TRPM7: variants seen among roughly 807,000 people sequenced by gnomAD.
TRPM7 encodes transient receptor potential cation channel subfamily M member 7.
TRPM7 carries 134 observed loss-of-function variants against 229.7 expected under a neutral mutation model. That is an observed-to-expected ratio of 0.58 (90% CI 0.51 to 0.67). The LOEUF is 0.67. Among genes scored for constraint, TRPM7 ranks in the 30% least tolerant of loss-of-function variants. The pLI, the probability that TRPM7 is intolerant of heterozygous loss-of-function variation, is 0.00. For synonymous variants in TRPM7, 699 were observed against 715.2 expected (o/e 0.98, Z 0.36); for missense variants, 1,901 against 2,210.0 (o/e 0.86, Z 2.80).
intron 31 of TRPM7, among the ~76,000 whole-genome samples, chr15:50,578,042 T>C (rs533720120): frequency 7.3e-4 from 111 of 152,132 alleles, no homozygotes; most frequent in African/African-American, 2.6e-3. Flanking sequence ...CACCCCAAAA[T>C]AGGTGAAACT....
intron 1 of TRPM7, among the ~76,000 whole-genome samples, chr15:50,670,895 C>T (rs780973507): frequency 2.0e-5 from 3 of 151,562 alleles, no homozygotes; most frequent in Non-Finnish European, 4.4e-5. Flanking sequence ...TTAAGTAGGC[C>T]AGGTGCAGTA....
intron 31 of TRPM7, among the ~76,000 whole-genome samples, chr15:50,577,213 T>C (rs2054176718): frequency 6.6e-6 from 1 of 151,998 alleles, no homozygotes; most frequent in African/African-American, 2.4e-5. Flanking sequence ...CTGGATTTCA[T>C]TAAACAACAA....
At chr15:50,683,877 CTT>C (rs370536416) in intron 1 of TRPM7, among the ~76,000 whole-genome samples, 1 of 148,962 alleles carries the variant, frequency 6.7e-6, no homozygotes, top group African/African-American at 2.5e-5. Flanking sequence ...CTGATCAAGT[CTT>C]TTTTTTTTGA....
At chr15:50,599,375 T>C (rs1209346676) in intron 21 of TRPM7, 79 bp from the exon 22 acceptor site, 2 of 1,031,528 alleles carry the variant, frequency 1.9e-6, no homozygotes, top group Middle Eastern at 3.2e-4. Flanking sequence ...TCTAATGTTC[T>C]AATAGACCAA....
chr15:50,638,743 T>C (rs1176973327), intron 6 of TRPM7, among the ~76,000 whole-genome samples: 1 of 152,122 alleles, frequency 6.6e-6, no homozygotes, highest in African/African-American at 2.4e-5. Flanking sequence ...TGGAATGCAG[T>C]GGCTCAATTT....
chr15:50,584,469 G>T (rs761836452), intron 28 of TRPM7, among the ~76,000 whole-genome samples: 3 of 152,128 alleles, frequency 2.0e-5, no homozygotes, highest in African/African-American at 4.8e-5. Context: ...AGTGAGAAAA[G>T]AGAGTTCAAT....
At position 50,574,875 on chromosome 15, in the gene TRPM7, T is replaced by G. The variant is rs1360996665; in HGVS notation, c.4996A>C (p.Thr1666Pro). ...ACTCTCAGACAGAGATGCAGAACTGTATCTTCTTTGTAAATACTTGACCAT... is the reference window on the plus strand; with the variant it reads ...ACTCTCAGACAGAGATGCAGAACTGGATCTTCTTTGTAAATACTTGACCAT... Reference protein sequence around the residue: ...NTWSSIYKEDTVLHLCLREIQ... With the variant: ...NTWSSIYKEDPVLHLCLREIQ... The change falls in exon 34 of 39, where the codon ACA (threonine) becomes CCA (proline). Residue 1666 changes from threonine to proline, a missense_variant. Transcript: ENST00000646667. 1.2e-6 allele frequency: 2 copies of G among 1,612,648 alleles called. No individual in the cohort carries two copies. The highest frequency in any genetic ancestry group is 1.7e-6 in the Non-Finnish European group (2 of 1,178,890).
At chr15:50,600,917 G>T (rs4775892) in intron 21 of TRPM7, among the ~76,000 whole-genome samples, 22,373 of 152,108 alleles carry the variant, frequency 0.15, 2,219 homozygotes, top group Admixed American at 0.28. Flanking sequence ...GGCCTAACAC[G>T]CTCCAAAATT....
chr15:50,612,843 T>TA lies in TRPM7; in HGVS notation c.1771-15dup. ...AACTGTATCAATCTTCCAGGGAAAA[T>TA]AAAGTTATAAAGCTCATTATAATAA... On this transcript the variant is annotated splice_polypyrimidine_tract_variant and intron_variant, in intron 15 of 38. Coordinates refer to ENST00000646667, the MANE Select transcript of TRPM7 (RefSeq NM_017672.6). The TA allele has an allele frequency of 1.9e-6, 3 of 1,599,974 alleles. No individual in the cohort carries two copies. Among genetic ancestry groups the TA allele is most frequent in the Non-Finnish European group, 2.6e-6 (3 of 1,176,164 alleles).
At chr15:50,633,481 G>A (rs2060798040) in intron 8 of TRPM7, among the ~76,000 whole-genome samples, 1 of 152,044 alleles carries the variant, frequency 6.6e-6, no homozygotes, top group African/African-American at 2.4e-5. Context: ...ACTATTTTTA[G>A]GAATCATTTA....
chr15:50,578,710 A>T (rs1331994095), intron 30 of TRPM7, 46 bp from the exon 31 acceptor site: 1 of 1,420,210 alleles, frequency 7.0e-7, no homozygotes, highest in African/African-American at 1.4e-5. Context: ...CTATGATTTA[A>T]GTTTTGGCTA....
chr15:50,612,067 T>C (rs532214527), intron 16 of TRPM7, among the ~76,000 whole-genome samples: 48 of 152,222 alleles, frequency 3.2e-4, no homozygotes, highest in Admixed American at 5.9e-4. Context: ...TTGCTACTAT[T>C]TGCAAAAATT....
rs1361061786 is a variant in TRPM7 at position 50,686,711 on chromosome 15, C to G, written c.-178G>C. The G allele has an allele frequency of 1.1e-5, 9 of 798,912 alleles. No homozygotes were observed. Among genetic ancestry groups the G allele is most frequent in the Non-Finnish European group, 1.7e-5 (9 of 531,242 alleles). 49.5% of individuals were successfully genotyped at this position (798,912 alleles called of 1,614,324 possible). On this transcript the variant is annotated 5_prime_UTR_variant, in exon 1 of 39. Coordinates refer to ENST00000646667, the MANE Select transcript of TRPM7 (RefSeq NM_017672.6). ...CCGGCGCTAGCAGCAGAAGCCGAGT[C>G]TTTCATAATTGTGCGACCAACTCCT...
rs367737549 is a variant in TRPM7, at chr15:50,574,313, C to T, written c.5269G>A (p.Glu1757Lys). 6.2e-7 allele frequency: 1 copy of T among 1,613,948 alleles called. No individual in the cohort carries two copies. The highest frequency in any genetic ancestry group is 8.5e-7 in the Non-Finnish European group (1 of 1,179,934). Residue 1757 changes from glutamate (E) to lysine (K), a missense_variant, in exon 36 of 39, where the codon GAA (glutamate) becomes AAA (lysine). Glu to Lys is a moderately conservative substitution (Grantham distance 56). Transcript: ENST00000646667. ...IMLAFSHWTY[E>K]YTRGELLVLD... The stretch of plus-strand genomic sequence containing the variant: ...ACCAGTAACTCCCCTCTTGTATATT[C>T]GTAAGTCCAGTGGCTAAAGGCTAGC...
At chr15:50,588,393 T>A (rs2059398702) in intron 27 of TRPM7, 3 of 137,204 alleles carry the variant, frequency 2.2e-5, no homozygotes, top group Non-Finnish European at 4.7e-5. Context: ...TTAATAGATA[T>A]TAAATTAAGT....
In TRPM7 at chr15:50,574,314, G is replaced by C. The variant is rs114933907; in HGVS notation, c.5268C>G (p.Tyr1756Ter). 2 of 1,613,772 alleles carry C rather than the reference G, an allele frequency of 1.2e-6. No individual in the cohort carries two copies. Among genetic ancestry groups the C allele is most frequent in the East Asian group, 2.2e-5 (1 of 44,842 alleles). ...EIMLAFSHWT[Y>*]EYTRGELLVL... The stretch of plus-strand genomic sequence containing the variant: ...CCAGTAACTCCCCTCTTGTATATTC[G>C]TAAGTCCAGTGGCTAAAGGCTAGCA... The change falls in exon 36 of 39, where the codon TAC (tyrosine) becomes TAG (stop). Residue 1756 changes from tyrosine to a stop codon, truncating the protein, a stop_gained. Coordinates refer to ENST00000646667, the MANE Select transcript of TRPM7 (RefSeq NM_017672.6). LOFTEE classifies it high-confidence loss of function.
rs76915232 is a variant in TRPM7 at position 50,563,069 on chromosome 15, A to G, written c.5468-1261T>C. Among the ~76,000 whole-genome samples, 623 of 152,302 alleles carry G rather than the reference A, an allele frequency of 4.1e-3. 5 individuals are homozygous for G. Among genetic ancestry groups the G allele is most frequent in the African/African-American group, 0.014 (594 of 41,574 alleles). ...GTGAATGAGAGGAAAACTAGTAGAA[A>G]TTGAGCTCAAGCAGCAGTTAATGGC... On this transcript the variant is annotated intron_variant, in intron 38 of 38. Transcript: ENST00000646667.
At position 50,614,177 on chromosome 15, in the gene TRPM7, G is replaced by A; in HGVS notation, c.1581C>T (p.Thr527=). 1.2e-6 allele frequency: 2 copies of A among 1,612,880 alleles called. No individual in the cohort carries two copies. Among genetic ancestry groups the A allele is most frequent in the Non-Finnish European group, 1.7e-6 (2 of 1,179,404 alleles). The change falls in exon 14 of 39, where the codon ACC becomes ACT. Residue 527 remains threonine, a synonymous_variant. Transcript: ENST00000646667. The part of the protein sequence containing the change: ...EYLMGGTYRC[T]YTRKRFRLIY... ...TTAATCGAAAACGTTTCCTAGTATAGGTGCATCTGTAGGTTCCTCCCATGA... is the reference window on the plus strand; with the variant it reads ...TTAATCGAAAACGTTTCCTAGTATAAGTGCATCTGTAGGTTCCTCCCATGA...
chr15:50,569,490 T>TTATAGAACATGTAA (rs1255872616), intron 38 of TRPM7, among the ~76,000 whole-genome samples: 1 of 152,174 alleles, frequency 6.6e-6, no homozygotes, highest in Non-Finnish European at 1.5e-5. Flanking sequence ...TTAAGGGACC[T>TTATAGAACATGTAA]GCTTACATGT....
Sources: gnomAD v4.1 joint callset for allele counts (sites outside exome capture counted in the v4.1 genomes callset) on GRCh38, gnomAD v4.1.1 for gene constraint, MANE v1.5 for transcripts, NCBI Gene and HGNC (gene_info 2026-07-23, HGNC 2026-07-21) for gene names.